PDE4D: variants seen among roughly 807,000 people sequenced by gnomAD.
The protein encoded by PDE4D is phosphodiesterase 4D.
Under a neutral mutation model 87.4 loss-of-function variants are expected in PDE4D, and 24 were observed. The ratio of observed to expected loss-of-function variants is 0.27; its 90% CI spans 0.20 to 0.39. The LOEUF is 0.39. PDE4D is among the 10% of genes least tolerant of loss of function. PDE4D has a pLI of 1.00. For synonymous variants in PDE4D, 384 were observed against 383.2 expected, an observed-to-expected ratio of 1.00 and a Z score of -0.02; for missense variants, 714 against 1,041.0, an observed-to-expected ratio of 0.69 and a Z score of 4.32.
intron 2 of PDE4D, among the ~76,000 whole-genome samples, chr5:60,138,723 G>A (rs1238261924): frequency 2.0e-5 from 3 of 151,988 alleles, no homozygotes; most frequent in Non-Finnish European, 4.4e-5. Flanking sequence ...ACTAAACCAT[G>A]CTATGTGACT....
chr5:59,027,461 G>T (rs796856546), intron 6 of PDE4D, among the ~76,000 whole-genome samples: 58 of 152,274 alleles, frequency 3.8e-4, no homozygotes, highest in African/African-American at 1.3e-3. Context: ...TGAGAGTAGA[G>T]TATCTATAGA....
intron 1 of PDE4D, among the ~76,000 whole-genome samples, chr5:59,238,270 C>A (rs912192477): frequency 1.3e-5 from 2 of 152,100 alleles, no homozygotes; most frequent in African/African-American, 4.8e-5. Flanking sequence ...GCATGGTTAG[C>A]ACAATAATGA....
intron 1 of PDE4D, among the ~76,000 whole-genome samples, chr5:59,828,263 G>T (rs553412493): frequency 6.6e-6 from 1 of 151,958 alleles, no homozygotes; most frequent in Non-Finnish European, 1.5e-5. Context: ...TTGAAAATGT[G>T]AAACTATAAA....
At chr5:60,454,845 C>G (rs759985695) in intron 1 of PDE4D, among the ~76,000 whole-genome samples, 1 of 151,890 alleles carries the variant, frequency 6.6e-6, no homozygotes, top group Non-Finnish European at 1.5e-5. Flanking sequence ...GGTCTTTCCC[C>G]TGGTAGATAT....
At chr5:59,020,807 A>T (rs1755016891) in intron 6 of PDE4D, among the ~76,000 whole-genome samples, 1 of 152,114 alleles carries the variant, frequency 6.6e-6, no homozygotes, top group African/African-American at 2.4e-5. Context: ...CCTTGTAACA[A>T]CTACACTACT....
intron 1 of PDE4D, among the ~76,000 whole-genome samples, chr5:60,324,274 G>C (rs538870870): frequency 1.9e-4 from 29 of 152,324 alleles, no homozygotes; most frequent in African/African-American, 6.7e-4. Context: ...GACTGTAAGA[G>C]ATTGTTTGTC....
intron 1 of PDE4D, chr5:59,586,891 A>T: frequency 1.0e-6 from 1 of 985,420 alleles, no homozygotes; most frequent in Non-Finnish European, 1.2e-6. Flanking sequence ...TTTCTTAGGC[A>T]CATATTCATG....
intron 1 of PDE4D, among the ~76,000 whole-genome samples, chr5:59,305,754 G>A (rs979874634): frequency 5.3e-5 from 8 of 152,072 alleles, no homozygotes; most frequent in African/African-American, 1.9e-4. Flanking sequence ...TTCCACTGTG[G>A]TCTGACAGAG....
intron 5 of PDE4D, among the ~76,000 whole-genome samples, chr5:59,099,390 C>T (rs754130249): frequency 2.0e-5 from 3 of 152,212 alleles, no homozygotes; most frequent in Non-Finnish European, 4.4e-5. Context: ...ATCTTACTAC[C>T]TGGGTCAGAC....
intron 1 of PDE4D, among the ~76,000 whole-genome samples, chr5:60,396,922 T>C (rs542733945): frequency 6.6e-6 from 1 of 152,206 alleles, no homozygotes; most frequent in Non-Finnish European, 1.5e-5. Flanking sequence ...TTGGGAATTG[T>C]ATGGAAACAA....
chr5:60,452,625 C>T (rs1009575222), intron 1 of PDE4D, among the ~76,000 whole-genome samples: 15 of 151,928 alleles, frequency 9.9e-5, no homozygotes, highest in African/African-American at 3.4e-4. Flanking sequence ...TGAAGCAAAA[C>T]GTAATAACTG....
At chr5:60,399,187 G>A (rs556861991) in intron 1 of PDE4D, among the ~76,000 whole-genome samples, 5 of 152,132 alleles carry the variant, frequency 3.3e-5, no homozygotes, top group Admixed American at 1.3e-4. Context: ...TGGGGTGGGG[G>A]TGTGACAGAG....
At chr5:60,354,888 C>A (rs1018388640) in intron 1 of PDE4D, among the ~76,000 whole-genome samples, 1 of 152,082 alleles carries the variant, frequency 6.6e-6, no homozygotes, top group Admixed American at 6.6e-5. Context: ...ACTAATTAGG[C>A]TACCCATTTG....
chr5:59,447,461 T>C (rs933152203), intron 1 of PDE4D, among the ~76,000 whole-genome samples: 61 of 152,332 alleles, frequency 4.0e-4, no homozygotes, highest in African/African-American at 1.4e-3. Flanking sequence ...TGGATGAATA[T>C]CACATTGCTC....
intron 1 of PDE4D, among the ~76,000 whole-genome samples, chr5:60,510,156 G>A (rs1750508258): frequency 6.6e-6 from 1 of 152,178 alleles, no homozygotes; most frequent in African/African-American, 2.4e-5. Flanking sequence ...AAAGAGTGGA[G>A]TAAGAGAGCC....
chr5:59,466,869 T>C (rs536704010), intron 1 of PDE4D, among the ~76,000 whole-genome samples: 4 of 152,272 alleles, frequency 2.6e-5, no homozygotes, highest in African/African-American at 9.6e-5. Context: ...GTGAATCCTA[T>C]ACCCAAAATT....
At chr5:60,104,040 GC>G (rs1028407009) in intron 2 of PDE4D, among the ~76,000 whole-genome samples, 1 of 151,512 alleles carries the variant, frequency 6.6e-6, no homozygotes, top group Non-Finnish European at 1.5e-5. Context: ...CTGTGTGCGA[GC>G]CGAAGCAGGG....
At chr5:59,044,649 A>G (rs2153398932) in intron 5 of PDE4D, among the ~76,000 whole-genome samples, 2 of 152,262 alleles carry the variant, frequency 1.3e-5, no homozygotes, top group Middle Eastern at 6.8e-3. Flanking sequence ...TTCTCTTTCA[A>G]TGTGTACATG....
At chr5:60,005,525 T>C (rs761447568) in intron 2 of PDE4D, among the ~76,000 whole-genome samples, 1 of 151,978 alleles carries the variant, frequency 6.6e-6, no homozygotes. Flanking sequence ...TAACCATTTA[T>C]AGGGATGGAT....
Sources: allele counts gnomAD v4.1 joint callset (sites outside exome capture counted in the v4.1 genomes callset), GRCh38; gene constraint gnomAD v4.1.1; transcripts MANE v1.5; gene names NCBI Gene and HGNC (gene_info 2026-07-23, HGNC 2026-07-21).